Variants in ADAM29 observed in about 807,000 individuals in gnomAD.
ADAM29 encodes ADAM metallopeptidase domain 29.
For synonymous variants in ADAM29, 367 were observed against 342.3 expected, an observed-to-expected ratio of 1.07 and a Z score of -0.80; for missense variants, 969 against 1,001.8, an observed-to-expected ratio of 0.97 and a Z score of 0.44.
chr4:174,963,311 C>T (rs1745960540), intron 4 of ADAM29, among the ~76,000 whole-genome samples: 1 of 152,102 alleles, frequency 6.6e-6, no homozygotes, highest in African/African-American at 2.4e-5. Context: ...TTCACATAAA[C>T]ACACGGTGTA....
At chr4:174,927,460 A>T (rs1478112936) in intron 2 of ADAM29, among the ~76,000 whole-genome samples, 9 of 152,318 alleles carry the variant, frequency 5.9e-5, no homozygotes, top group Middle Eastern at 3.4e-3. Flanking sequence ...ATTTGATTTT[A>T]AAAAATTTCC....
intron 4 of ADAM29, among the ~76,000 whole-genome samples, chr4:174,966,596 A>G (rs1217124639): frequency 6.6e-6 from 1 of 152,218 alleles, no homozygotes; most frequent in African/African-American, 2.4e-5. Context: ...AAATATCATT[A>G]AATATTAACA....
chr4:174,947,138 C>G (rs1014250746), intron 4 of ADAM29, among the ~76,000 whole-genome samples: 5 of 151,904 alleles, frequency 3.3e-5, no homozygotes, highest in African/African-American at 7.3e-5. Flanking sequence ...CTCTCTCTCT[C>G]TCTTTTATTA....
chr4:174,954,719 G>T (rs994986346), intron 4 of ADAM29, among the ~76,000 whole-genome samples: 1 of 152,016 alleles, frequency 6.6e-6, no homozygotes, highest in Non-Finnish European at 1.5e-5. Context: ...CAGTCAGAAG[G>T]GTAAGTAATT....
intron 4 of ADAM29, among the ~76,000 whole-genome samples, chr4:174,951,887 T>C (rs1460457675): frequency 6.6e-6 from 1 of 152,118 alleles, no homozygotes; most frequent in East Asian, 1.9e-4. Flanking sequence ...TGGGGAGATG[T>C]TGGTTAAAGG....
intron 4 of ADAM29, among the ~76,000 whole-genome samples, chr4:174,966,766 A>G (rs1274889806): frequency 6.6e-6 from 1 of 152,176 alleles, no homozygotes; most frequent in Non-Finnish European, 1.5e-5. Context: ...CTTTGAGACC[A>G]AAGAGGCATC....
chr4:174,962,391 A>G (rs1417525987), intron 4 of ADAM29, among the ~76,000 whole-genome samples: 1 of 151,982 alleles, frequency 6.6e-6, no homozygotes, highest in African/African-American at 2.4e-5. Context: ...GGGCGCCTGT[A>G]GTCCCAGCTA....
At chr4:174,950,112 G>A (rs926656606) in intron 4 of ADAM29, among the ~76,000 whole-genome samples, 1 of 152,034 alleles carries the variant, frequency 6.6e-6, no homozygotes, top group African/African-American at 2.4e-5. Flanking sequence ...AATAAAATAA[G>A]TAAAAGTATT....
Position 174,977,934 on chromosome 4 carries a change from G to C in ADAM29, c.2409G>C (p.Gln803His), listed in dbSNP as rs749271503. ...SQSQPPVTPS[Q>H]RQPQLMPSQS... ...GTCAACCTCCTGTGACACCCTCCCA[G>C]AGGCAACCTCAGTTGATGCCTTCCC... Residue 803 changes from glutamine to histidine, a missense_variant, in exon 5 of 5, where the codon CAG (glutamine) becomes CAC (histidine). By Grantham distance (24) the Gln-to-His change is conservative. Coordinates refer to ENST00000359240, the MANE Select transcript of ADAM29 (RefSeq NM_014269.4). The C allele has an allele frequency of 6.3e-7, 1 of 1,578,194 alleles. No individual in the cohort carries two copies. The highest frequency in any genetic ancestry group is 1.7e-5 in the Admixed American group (1 of 57,880).
At chr4:174,973,227 G>C (rs1162227913) in intron 4 of ADAM29, among the ~76,000 whole-genome samples, 2 of 152,216 alleles carry the variant, frequency 1.3e-5, no homozygotes, top group African/African-American at 4.8e-5. Flanking sequence ...CCAACTGACA[G>C]ACGTAATTCG....
Position 174,978,173 on chromosome 4 carries a change from T to C in ADAM29, c.*185T>C. 1 of 962,628 alleles carries C rather than the reference T, an allele frequency of 1.0e-6. No homozygotes were observed. Among genetic ancestry groups the C allele is most frequent in the Non-Finnish European group, 1.5e-6 (1 of 647,526 alleles). 59.6% of individuals were successfully genotyped at this position (962,628 alleles called of 1,614,324 possible). ...AGAAAAGGTACATTAAAAAAATAATTCCTAGTATGTTTCTACTTACTCTTC... is the reference window on the plus strand; with the variant it reads ...AGAAAAGGTACATTAAAAAAATAATCCCTAGTATGTTTCTACTTACTCTTC... On this transcript the variant is annotated 3_prime_UTR_variant, in exon 5 of 5. Coordinates refer to ENST00000359240, the MANE Select transcript of ADAM29 (RefSeq NM_014269.4).
intron 4 of ADAM29, among the ~76,000 whole-genome samples, chr4:174,960,636 G>A (rs1403523998): frequency 3.3e-5 from 5 of 152,082 alleles, no homozygotes; most frequent in African/African-American, 9.7e-5. Context: ...TGTGAGACAT[G>A]CTAAAATTTC....
intron 4 of ADAM29, among the ~76,000 whole-genome samples, chr4:174,950,058 C>A (rs1252081048): frequency 1.3e-5 from 2 of 152,196 alleles, no homozygotes; most frequent in Non-Finnish European, 2.9e-5. Context: ...TTCAGTATCT[C>A]ATTCTGTGAC....
Position 174,950,683 on chromosome 4 carries a change from C to T in ADAM29, c.-181+13670C>T, listed in dbSNP as rs552284676. Among the ~76,000 whole-genome samples, 3 of 152,266 alleles carry T rather than the reference C, an allele frequency of 2.0e-5. No individual in the cohort carries two copies. In the East Asian group the frequency reaches 5.8e-4, roughly 29 times the overall value. On this transcript the variant is annotated intron_variant, in intron 4 of 4. Transcript: ENST00000359240. ...TAGAATTATAAATCATACACACATG[C>T]ATGTGTATATATACATACTTGATGT...
In ADAM29 at chr4:174,929,455, T is replaced by C. The variant is rs76572137; in HGVS notation, c.-450-1531T>C. Among the ~76,000 whole-genome samples, 288 of 152,184 alleles carry C rather than the reference T, an allele frequency of 1.9e-3. 1 individual carries two copies. The highest frequency in any genetic ancestry group is 6.7e-3 in the African/African-American group (277 of 41,510). On this transcript the variant is annotated intron_variant, in intron 2 of 4. Coordinates refer to ENST00000359240, the MANE Select transcript of ADAM29 (RefSeq NM_014269.4). ...CGAAAATTTAGGCTAGCGGACGATT[T>C]GAGGAGTGAAAAAAATGGAAAAGGG...
chr4:174,939,241 G>GT lies in ADAM29; in HGVS notation c.-181+2229dup, dbSNP rs1365219324. Among the ~76,000 whole-genome samples, 5 of 152,218 alleles carry GT rather than the reference G, an allele frequency of 3.3e-5. No homozygotes were observed. The South Asian group carries it at 6.2e-4, about 19-fold the overall frequency. ...TAGTAGCACTTCTTTTTTGATCATA[G>GT]TACTCATAAAGATATACTTTCTTTT... On this transcript the variant is annotated intron_variant, in intron 4 of 4. Transcript: ENST00000359240.
intron 4 of ADAM29, among the ~76,000 whole-genome samples, chr4:174,943,721 G>A (rs551453411): frequency 9.9e-5 from 15 of 151,806 alleles, no homozygotes; most frequent in South Asian, 2.1e-4. Flanking sequence ...ACCTTCTTTC[G>A]TCCTGAATTG....
At chr4:174,959,279 G>A (rs1560883223) in intron 4 of ADAM29, among the ~76,000 whole-genome samples, 1 of 151,748 alleles carries the variant, frequency 6.6e-6, no homozygotes. Flanking sequence ...CAATACATTA[G>A]AGATTTGATA....
intron 4 of ADAM29, 83 bp from the exon 5 acceptor site, chr4:174,975,263 C>T (rs1746697489): frequency 1.2e-5 from 4 of 343,226 alleles, no homozygotes. Flanking sequence ...GTTTTTTTCT[C>T]TTTCTCCTCT....
Sources: gnomAD v4.1 joint callset for allele counts (sites outside exome capture counted in the v4.1 genomes callset) on GRCh38, gnomAD v4.1.1 for gene constraint, MANE v1.5 for transcripts, NCBI Gene and HGNC (gene_info 2026-07-23, HGNC 2026-07-21) for gene names.